The following PID1 variants were observed in gnomAD, a reference collection of about 807,000 sequenced individuals.
PID1 encodes the protein PTB-containing, cubilin and LRP1-interacting protein.
Under a neutral mutation model 19.1 loss-of-function variants are expected in PID1, and 10 were observed. The ratio of observed to expected loss-of-function variants is 0.52; its 90% confidence interval spans 0.32 to 0.89. PID1 has a LOEUF of 0.89. Among genes scored for constraint, PID1 ranks in the 40% least tolerant of loss-of-function variants. The pLI is 0.03. For synonymous variants in PID1, 130 were observed against 116.0 expected (o/e 1.12, Z -0.78); for missense variants, 248 against 285.3 (o/e 0.87, Z 0.94).
intron 1 of PID1, among the ~76,000 whole-genome samples, chr2:229,247,106 C>A (rs1690024336): frequency 6.6e-6 from 1 of 152,092 alleles, no homozygotes; most frequent in South Asian, 2.1e-4. Context: ...ATACAAAGCT[C>A]CATAGAGGAG....
chr2:229,099,725 T>C (rs1358776875), intron 2 of PID1, among the ~76,000 whole-genome samples: 1 of 152,184 alleles, frequency 6.6e-6, no homozygotes, highest in African/African-American at 2.4e-5. Context: ...AGAAATGATT[T>C]CACTGCCTAA....
intron 2 of PID1, among the ~76,000 whole-genome samples, chr2:229,072,802 G>A (rs1694484000): frequency 6.6e-6 from 1 of 152,170 alleles, no homozygotes; most frequent in African/African-American, 2.4e-5. Context: ...ACCTAGAAAG[G>A]AGTTTAATCA....
chr2:229,073,161 G>T (rs1185195628), intron 2 of PID1, among the ~76,000 whole-genome samples: 1 of 152,156 alleles, frequency 6.6e-6, no homozygotes, highest in Non-Finnish European at 1.5e-5. Flanking sequence ...GAGTAGCTGG[G>T]ACTACCGGCG....
chr2:229,196,865 G>C (rs1207637165), intron 1 of PID1, among the ~76,000 whole-genome samples: 1 of 152,092 alleles, frequency 6.6e-6, no homozygotes, highest in African/African-American at 2.4e-5. Context: ...GGCAGACAAA[G>C]ATCTGTCTTT....
At chr2:229,082,480 C>T (rs753584236) in intron 2 of PID1, among the ~76,000 whole-genome samples, 95 of 152,270 alleles carry the variant, frequency 6.2e-4, no homozygotes, top group Admixed American at 1.4e-3. Flanking sequence ...AAGGAGATGA[C>T]GCAAGTGGGT....
chr2:229,147,319 T>C (rs993233386), intron 2 of PID1, among the ~76,000 whole-genome samples: 1 of 152,088 alleles, frequency 6.6e-6, no homozygotes, highest in Non-Finnish European at 1.5e-5. Context: ...CAAATAAATT[T>C]TTTCTTTAAT....
intron 1 of PID1, among the ~76,000 whole-genome samples, chr2:229,163,100 A>G (rs532743517): frequency 5.3e-4 from 80 of 152,300 alleles, no homozygotes; most frequent in African/African-American, 1.8e-3. Flanking sequence ...TATTAGTTCA[A>G]CTTATAACCT....
chr2:229,166,423 T>C (rs1690598496), intron 1 of PID1, among the ~76,000 whole-genome samples: 1 of 152,210 alleles, frequency 6.6e-6, no homozygotes, highest in African/African-American at 2.4e-5. Flanking sequence ...CATGGTTTAT[T>C]ATATGTCGAG....
At chr2:229,107,518 A>G (rs1251416768) in intron 2 of PID1, among the ~76,000 whole-genome samples, 1 of 151,930 alleles carries the variant, frequency 6.6e-6, no homozygotes, top group East Asian at 1.9e-4. Flanking sequence ...AAAAAAAAAA[A>G]AAGAAAAAAG....
chr2:229,059,380 C>T (rs918633831), intron 2 of PID1, among the ~76,000 whole-genome samples: 1 of 152,230 alleles, frequency 6.6e-6, no homozygotes, highest in Non-Finnish European at 1.5e-5. Flanking sequence ...CATGGCAATA[C>T]ATGAAAGCAT....
At chr2:229,198,741 T>C (rs1691430264) in intron 1 of PID1, among the ~76,000 whole-genome samples, 1 of 152,070 alleles carries the variant, frequency 6.6e-6, no homozygotes, top group African/African-American at 2.4e-5. Flanking sequence ...ACTGGGTCTA[T>C]ATTCAAAACA....
chr2:229,170,667 G>T (rs1690693745), intron 1 of PID1, among the ~76,000 whole-genome samples: 1 of 151,872 alleles, frequency 6.6e-6, no homozygotes, highest in Admixed American at 6.6e-5. Flanking sequence ...TCATTTTATG[G>T]AAAGTTTAAT....
intron 1 of PID1, among the ~76,000 whole-genome samples, chr2:229,258,249 C>G (rs1009271087): frequency 1.3e-5 from 2 of 152,194 alleles, no homozygotes; most frequent in Admixed American, 1.3e-4. Context: ...AACAAGGCAA[C>G]GTGAACTTTC....
rs544720428 is a variant in PID1 at position 229,074,686 on chromosome 2, C to A, written c.178-48578G>T. 1.7e-4 allele frequency among the ~76,000 whole-genome samples: 26 copies of A among 152,214 alleles called. No homozygotes were observed. The South Asian group carries it at 5.2e-3, about 30-fold the overall frequency. On this transcript the variant is annotated intron_variant, in intron 2 of 2. Transcript: ENST00000392055. ...TTTAGGTAGAAATGAGTTAATTAGC[C>A]TGGTCTAAAATATGTCTCAAATATC...
chr2:229,164,342 A>T (rs1197947821), intron 1 of PID1, among the ~76,000 whole-genome samples: 3 of 152,094 alleles, frequency 2.0e-5, no homozygotes, highest in Non-Finnish European at 4.4e-5. Flanking sequence ...ATTGACTCCT[A>T]CCTGTATTTA....
chr2:229,256,218 C>G (rs1690291339), intron 1 of PID1, among the ~76,000 whole-genome samples: 1 of 152,328 alleles, frequency 6.6e-6, no homozygotes, highest in Admixed American at 6.5e-5. Context: ...CCAGATGGAA[C>G]AGCAGCTGCT....
intron 2 of PID1, among the ~76,000 whole-genome samples, chr2:229,138,090 A>G (rs1307597482): frequency 6.6e-6 from 1 of 152,170 alleles, no homozygotes; most frequent in Admixed American, 6.5e-5. Context: ...AGAGAAAGGC[A>G]AACAAGTTCC....
rs73998539 is a variant in PID1, at chr2:229,066,562, G to A, written c.178-40454C>T. Among the ~76,000 whole-genome samples, 408 of 152,122 alleles carry A rather than the reference G, an allele frequency of 2.7e-3. 2 individuals carry two copies. The highest frequency in any genetic ancestry group is 9.3e-3 in the African/African-American group (388 of 41,512). ...TATCCTGGATGAAGTCAGAGGCACC[G>A]TGACTCCTTCATTATGCTGAGTCGT... On this transcript the variant is annotated intron_variant, in intron 2 of 2. Transcript: ENST00000392055.
rs531128261 is a variant in PID1 at position 229,167,370 on chromosome 2, G to A, written c.31-11406C>T. On this transcript the variant is annotated intron_variant, in intron 1 of 2. Transcript: ENST00000392055. ...CCAAAATAACCATCTCTAACAATGAGAAATATTGACATAACTTGTCTCTAA... is the reference window on the plus strand; with the variant it reads ...CCAAAATAACCATCTCTAACAATGAAAAATATTGACATAACTTGTCTCTAA... 2.0e-5 allele frequency among the ~76,000 whole-genome samples: 3 copies of A among 152,224 alleles called. No individual in the cohort carries two copies. The South Asian group carries it at 6.2e-4, about 32-fold the overall frequency.
Sources: allele counts gnomAD v4.1 joint callset (sites outside exome capture counted in the v4.1 genomes callset), GRCh38; gene constraint gnomAD v4.1.1; transcripts MANE v1.5; gene names NCBI Gene and HGNC (gene_info 2026-07-23, HGNC 2026-07-21).